The following TRPC5OS variants were observed in gnomAD, a reference collection of about 807,000 sequenced individuals.
TRPC5OS encodes the protein TRPC5 opposite strand, also known as putative uncharacterized protein TRPC5OS.
For synonymous variants in TRPC5OS, 30 were observed against 29.3 expected (o/e 1.02, Z -0.08); for missense variants, 64 against 79.3 (o/e 0.81, Z 0.73).
chrX:111,891,668 G>A, intron 1 of TRPC5OS, among the ~76,000 whole-genome samples: 1 of 111,326 alleles, frequency 9.0e-6, no homozygotes, highest in Non-Finnish European at 1.9e-5. Flanking sequence ...AGCCTCCAGA[G>A]TAGCTGAGAT....
At chrX:111,883,490 G>A (rs1028438404) in intron 1 of TRPC5OS, among the ~76,000 whole-genome samples, 2 of 112,626 alleles carry the variant, frequency 1.8e-5, no homozygotes, top group Non-Finnish European at 3.7e-5. Flanking sequence ...GCCTAGTTAA[G>A]GCCTAGTTAG....
At chrX:111,880,913 C>A (rs937353829) in intron 1 of TRPC5OS, among the ~76,000 whole-genome samples, 1 of 111,762 alleles carries the variant, frequency 8.9e-6, no homozygotes, top group Admixed American at 9.5e-5. Flanking sequence ...AGACTGGCTA[C>A]TTCCTCACAA....
intron 1 of TRPC5OS, among the ~76,000 whole-genome samples, chrX:111,883,781 C>T (rs1390618727): frequency 8.9e-6 from 1 of 112,872 alleles, no homozygotes; most frequent in African/African-American, 3.2e-5. Flanking sequence ...AGGTTAAGCC[C>T]TAGCCAGGGT....
chrX:111,878,817 G>A (rs770376894), intron 1 of TRPC5OS, among the ~76,000 whole-genome samples: 165 of 111,649 alleles, frequency 1.5e-3, no homozygotes, highest in African/African-American at 5.3e-3. Flanking sequence ...TCTTCCTTGA[G>A]TGAGAAACAC....
intron 1 of TRPC5OS, among the ~76,000 whole-genome samples, chrX:111,880,293 A>T (rs749766200): frequency 1.8e-5 from 2 of 112,306 alleles, no homozygotes; most frequent in East Asian, 5.6e-4. Flanking sequence ...TTGCCATCAT[A>T]TTCCCAGTCT....
At chrX:111,876,858 C>T (rs1266090587) in intron 1 of TRPC5OS, among the ~76,000 whole-genome samples, 1 of 111,650 alleles carries the variant, frequency 9.0e-6, no homozygotes, top group Non-Finnish European at 1.9e-5. Context: ...TTTTCCCTTT[C>T]ACTTAGAGCT....
At chrX:111,896,906 T>C in intron 3 of TRPC5OS, among the ~76,000 whole-genome samples, 1 of 111,761 alleles carries the variant, frequency 8.9e-6, no homozygotes. Flanking sequence ...ATTGTGAGGA[T>C]TAAATGTACT....
At chrX:111,889,650 G>A (rs1310895777) in intron 1 of TRPC5OS, among the ~76,000 whole-genome samples, 2 of 111,695 alleles carry the variant, frequency 1.8e-5, no homozygotes, top group African/African-American at 6.5e-5. Flanking sequence ...AACTTTGGGA[G>A]GTAGAGGTAT....
At chrX:111,879,485 G>T (rs902777463) in intron 1 of TRPC5OS, among the ~76,000 whole-genome samples, 2 of 112,019 alleles carry the variant, frequency 1.8e-5, no homozygotes, top group African/African-American at 6.5e-5. Context: ...CCTTGCTATT[G>T]CCCTTGAATC....
intron 3 of TRPC5OS, among the ~76,000 whole-genome samples, chrX:111,898,724 G>A (rs1437356955): frequency 4.5e-5 from 5 of 110,362 alleles, no homozygotes; most frequent in Non-Finnish European, 9.5e-5. Flanking sequence ...GAAAATGTGA[G>A]CTAGTTATAG....
chrX:111,898,251 TTATATATATATATATA>T, intron 3 of TRPC5OS, among the ~76,000 whole-genome samples: 1 of 92,395 alleles, frequency 1.1e-5, no homozygotes, highest in Non-Finnish European at 2.2e-5. Context: ...GTAGGGGTTC[TTATATATATATATATA>T]TATATATATA....
At chrX:111,887,154 T>C in intron 1 of TRPC5OS, among the ~76,000 whole-genome samples, 1 of 112,697 alleles carries the variant, frequency 8.9e-6, no homozygotes, top group East Asian at 2.8e-4. Context: ...CTTTTTGGAC[T>C]CTCACATCTC....
intron 3 of TRPC5OS, among the ~76,000 whole-genome samples, chrX:111,898,950 A>G (rs1174802421): frequency 9.0e-6 from 1 of 110,584 alleles, no homozygotes; most frequent in Admixed American, 9.7e-5. Context: ...AAGGCTAGGC[A>G]TAAACTATCC....
chrX:111,903,822 G>T lies in TRPC5OS; in HGVS notation c.*1637G>T, dbSNP rs1031886822. On this transcript the variant is annotated 3_prime_UTR_variant, in exon 4 of 4. Transcript: ENST00000635763. ...CAAGTTTTCATCCCTATTTGTTTGG[G>T]TTAAAATATGTGGGGAGTTGTGCCT... 5 of 112,049 alleles carry T rather than the reference G, an allele frequency of 4.5e-5. No homozygotes were observed. The highest frequency in any genetic ancestry group is 9.7e-5 in the African/African-American group (3 of 30,850). 9.2% of individuals were successfully genotyped at this position (112,049 alleles called of 1,213,427 possible).
At chrX:111,885,913 A>T (rs7889479) in intron 1 of TRPC5OS, among the ~76,000 whole-genome samples, 16,350 of 111,358 alleles carry the variant, frequency 0.15, 2,850 homozygotes, top group African/African-American at 0.5. Flanking sequence ...GCTTAAGTGA[A>T]CTAAGGCAAG....
chrX:111,902,231 T>C lies in TRPC5OS; in HGVS notation c.*46T>C. The C allele has an allele frequency of 1.2e-6, 1 of 856,846 alleles. No homozygotes were observed. Among genetic ancestry groups the C allele is most frequent in the Non-Finnish European group, 1.6e-6 (1 of 634,653 alleles). The allele number at this position is 856,846 out of a possible 1,213,427, so 70.6% of individuals were successfully genotyped here. ...CCCCAGGGATGTGAAAACTGATCAT[T>C]TCTCTGTTTTAATATATTCTTATTT... On this transcript the variant is annotated 3_prime_UTR_variant, in exon 4 of 4. Transcript: ENST00000635763.
intron 3 of TRPC5OS, among the ~76,000 whole-genome samples, chrX:111,899,926 C>A (rs1232714368): frequency 9.0e-6 from 1 of 111,021 alleles, no homozygotes; most frequent in Non-Finnish European, 1.9e-5. Flanking sequence ...TTGCCTCCAA[C>A]AAAATCGTGC....
intron 1 of TRPC5OS, among the ~76,000 whole-genome samples, chrX:111,891,045 A>G (rs376307181): frequency 6.3e-5 from 7 of 111,954 alleles, no homozygotes; most frequent in East Asian, 5.6e-4. Flanking sequence ...AAAGGATATG[A>G]TCTTGTTTTT....
chrX:111,890,431 C>T (rs1924746287), intron 1 of TRPC5OS, among the ~76,000 whole-genome samples: 1 of 111,918 alleles, frequency 8.9e-6, no homozygotes, highest in Admixed American at 9.4e-5. Flanking sequence ...AAACTGGATA[C>T]CCAGGCTTTA....
Sources: allele counts gnomAD v4.1 joint callset (sites outside exome capture counted in the v4.1 genomes callset), GRCh38; gene constraint gnomAD v4.1.1; transcripts MANE v1.5; gene names NCBI Gene and HGNC (gene_info 2026-07-23, HGNC 2026-07-21).